Variants in PCLAF observed in about 807,000 individuals in gnomAD.
PCLAF encodes PCNA clamp associated factor.
A neutral mutation model predicts 15.1 loss-of-function variants in PCLAF; 12 were observed. The observed-to-expected ratio is 0.79, with a 90% CI of 0.51 to 1.29. The LOEUF (loss-of-function observed/expected upper bound fraction) is 1.29, where lower values mean the gene tolerates loss of function less well. PCLAF is among the 50% of genes most tolerant of loss of function. PCLAF has a pLI of 0.00. For synonymous variants in PCLAF, 33 were observed against 47.1 expected (o/e 0.70, Z 1.22); for missense variants, 116 against 130.9 (o/e 0.89, Z 0.56).
exon 1 of PCLAF, chr15:64,387,547 C>A: frequency 7.5e-7 from 1 of 1,331,810 alleles, no homozygotes; most frequent in Non-Finnish European, 9.7e-7. Flanking sequence ...TGTTTTCCCC[C>A]TAAACTGTCG....
intron 2 of PCLAF, among the ~76,000 whole-genome samples, chr15:64,377,491 ATATATAT>A (rs1899654846): frequency 0.01 from 184 of 18,384 alleles, 25 homozygotes; most frequent in Non-Finnish European, 0.013. Context: ...AAAAAAAAAT[ATATATAT>A]ATATATATAT....
chr15:64,375,130 C>G (rs986520662), intron 3 of PCLAF, among the ~76,000 whole-genome samples: 5 of 151,568 alleles, frequency 3.3e-5, no homozygotes, highest in African/African-American at 1.2e-4. Flanking sequence ...TTTTATTTTA[C>G]TTGATTTTTT....
intron 3 of PCLAF, chr15:64,373,828 C>G (rs571197683): frequency 6.8e-7 from 1 of 1,477,900 alleles, no homozygotes; most frequent in African/African-American, 1.4e-5. Context: ...GCAGTGACAT[C>G]ACTCCCTTTC....
chr15:64,386,509 T>C (rs1899940545), intron 1 of PCLAF, among the ~76,000 whole-genome samples: 1 of 152,010 alleles, frequency 6.6e-6, no homozygotes, highest in Admixed American at 6.6e-5. Context: ...TTTGTAGAGA[T>C]GAGGATTCTC....
intron 2 of PCLAF, among the ~76,000 whole-genome samples, chr15:64,378,408 C>T (rs1316326077): frequency 3.9e-5 from 6 of 152,270 alleles, no homozygotes; most frequent in Admixed American, 2.6e-4. Context: ...TCCATATAGA[C>T]TCTGAAGTTA....
upstream of PCLAF, among the ~76,000 whole-genome samples, chr15:64,383,361 T>TTG (rs968647230): frequency 3.3e-5 from 5 of 151,594 alleles, no homozygotes; most frequent in East Asian, 1.9e-4. Flanking sequence ...AGTGGTTTTT[T>TTG]TGTGTGTGTG....
chr15:64,365,872 A>AT lies in PCLAF; in HGVS notation c.*157dup. 3.1e-6 allele frequency: 2 copies of AT among 645,778 alleles called. No homozygotes were observed. The highest frequency in any genetic ancestry group is 3.6e-5 in the South Asian group (2 of 55,164). 40.0% of individuals were successfully genotyped at this position (645,778 alleles called of 1,614,324 possible). A position where few individuals can be genotyped will look rare whatever the true frequency, so the allele number is the denominator to read the frequency against. On this transcript the variant is annotated 3_prime_UTR_variant, in exon 4 of 4. Transcript: ENST00000300035. ...CATAATTAGTCTTACAAATTCTCAA[A>AT]TTTCACAACTACTTTTGAACATCTA... is the stretch of plus-strand genomic sequence containing the variant.
chr15:64,368,140 G>A (rs545109284), intron 3 of PCLAF, among the ~76,000 whole-genome samples: 11 of 151,898 alleles, frequency 7.2e-5, no homozygotes, highest in African/African-American at 1.7e-4. Flanking sequence ...TCAGGAGTTC[G>A]AGACCAGTCT....
chr15:64,381,102 A>T (rs1596328211), intron 1 of PCLAF, 64 bp from the exon 2 acceptor site: 2 of 1,500,502 alleles, frequency 1.3e-6, no homozygotes, highest in Non-Finnish European at 1.9e-6. Context: ...CGAGTCCTGG[A>T]CCCCAGCAGC....
chr15:64,376,942 A>G, intron 2 of PCLAF, 37 bp from the exon 3 acceptor site: 2 of 1,539,168 alleles, frequency 1.3e-6, no homozygotes, highest in Non-Finnish European at 1.8e-6. Context: ...GATAAGTGCT[A>G]ATAATACAAT....
At position 64,369,947 on chromosome 15, in the gene PCLAF, G is replaced by T. The variant is rs920501822; in HGVS notation, c.291-3872C>A. Among the ~76,000 whole-genome samples the T allele has an allele frequency of 2.0e-5, 3 of 152,216 alleles. No homozygotes were observed. The East Asian group carries it at 5.8e-4, about 29-fold the overall frequency. ...AGGTCAAGATCTGTTGGATCTGCTT[G>T]TTCCCATGCAGGTTTCTAAAGATGG... On this transcript the variant is annotated intron_variant, in intron 3 of 3. Transcript: ENST00000300035.
rs1898992373 is a variant in PCLAF, at chr15:64,365,458, C to T, written c.*572G>A. On this transcript the variant is annotated 3_prime_UTR_variant, in exon 4 of 4. Coordinates refer to ENST00000300035, the MANE Select transcript of PCLAF (RefSeq NM_014736.6). ...ATCTTTTTTCTTGTTGTTGTAGAGG[C>T]ATTATCAACCGTTTAAACCCTCAAG... is the stretch of plus-strand genomic sequence containing the variant. 6.5e-6 allele frequency: 1 copy of T among 154,164 alleles called. No individual in the cohort carries two copies. The highest frequency in any genetic ancestry group is 2.4e-5 in the African/African-American group (1 of 41,442). 9.5% of individuals were successfully genotyped at this position (154,164 alleles called of 1,614,324 possible). A position where few individuals can be genotyped will look rare whatever the true frequency, so the allele number is the denominator to read the frequency against.
At chr15:64,369,924 G>A (rs1343209776) in intron 3 of PCLAF, among the ~76,000 whole-genome samples, 1 of 152,038 alleles carries the variant, frequency 6.6e-6, no homozygotes, top group Non-Finnish European at 1.5e-5. Flanking sequence ...CATACCATAG[G>A]TCAAGATCTG....
chr15:64,377,520 T>A lies in PCLAF; in HGVS notation c.128-615A>T, dbSNP rs1256076179. On this transcript the variant is annotated intron_variant, in intron 2 of 3. Transcript: ENST00000300035. ...ATATATATATATATATATATATATA[T>A]ATATATATATATATATATTCTTGTA... is the stretch of plus-strand genomic sequence containing the variant. Among the ~76,000 whole-genome samples, 155 of 93,776 alleles carry A rather than the reference T, an allele frequency of 1.7e-3. 17 individuals are homozygous for A. The highest frequency in any genetic ancestry group is 3.9e-3 in the African/African-American group (95 of 24,540). 61.5% of individuals were successfully genotyped at this position (93,776 alleles called of 152,430 possible). A position where few individuals can be genotyped will look rare whatever the true frequency, so the allele number is the denominator to read the frequency against.
At chr15:64,383,184 A>G (rs967591383), upstream of PCLAF, among the ~76,000 whole-genome samples, 1 of 152,222 alleles carries the variant, frequency 6.6e-6, no homozygotes, top group East Asian at 1.9e-4. Flanking sequence ...AGATTTAAGG[A>G]ATCTAGGCAA....
At chr15:64,378,080 G>A (rs1342937896) in intron 2 of PCLAF, among the ~76,000 whole-genome samples, 2 of 151,934 alleles carry the variant, frequency 1.3e-5, no homozygotes, top group African/African-American at 2.4e-5. Flanking sequence ...ACAGGCGCCC[G>A]CCACCACACC....
At chr15:64,373,505 T>C in intron 3 of PCLAF, 2 of 879,570 alleles carry the variant, frequency 2.3e-6, no homozygotes, top group Admixed American at 4.0e-5. Context: ...CTCTTAATGG[T>C]AGAGATGTAG....
intron 2 of PCLAF, among the ~76,000 whole-genome samples, chr15:64,379,714 C>G (rs1490003951): frequency 6.6e-6 from 1 of 152,136 alleles, no homozygotes; most frequent in Non-Finnish European, 1.5e-5. Flanking sequence ...TAGCGTTAAT[C>G]TCCCTGTCTG....
chr15:64,381,795 T>C (rs1291751929), upstream of PCLAF, among the ~76,000 whole-genome samples: 1 of 152,242 alleles, frequency 6.6e-6, no homozygotes, highest in Non-Finnish European at 1.5e-5. Context: ...CCATAATGAT[T>C]GACTCCTGGA....
Sources: allele counts gnomAD v4.1 joint callset (sites outside exome capture counted in the v4.1 genomes callset), GRCh38; gene constraint gnomAD v4.1.1; transcripts MANE v1.5; gene names NCBI Gene and HGNC (gene_info 2026-07-23, HGNC 2026-07-21).